Variants in KIAA0930 observed in about 807,000 individuals in gnomAD.
The protein encoded by KIAA0930 is uncharacterized protein KIAA0930.
A neutral mutation model predicts 43.9 loss-of-function variants in KIAA0930; 24 were observed. That is an observed-to-expected ratio of 0.55 (90% CI 0.40 to 0.77). KIAA0930 has a LOEUF of 0.77. Ranked by LOEUF, KIAA0930 falls within the 30% of genes least tolerant of loss-of-function variation. KIAA0930 has a pLI of 0.00. For synonymous variants in KIAA0930, 259 were observed against 216.4 expected, an observed-to-expected ratio of 1.20 and a Z score of -1.73; for missense variants, 461 against 574.2, an observed-to-expected ratio of 0.80 and a Z score of 2.02.
intron 9 of KIAA0930, among the ~76,000 whole-genome samples, chr22:45,197,535 C>T (rs974832306): frequency 6.6e-6 from 1 of 152,228 alleles, no homozygotes; most frequent in African/African-American, 2.4e-5. Flanking sequence ...GAGTAACACA[C>T]ACCTGGGCAT....
intron 1 of KIAA0930, among the ~76,000 whole-genome samples, chr22:45,219,372 C>T (rs1264886575): frequency 1.3e-5 from 2 of 152,068 alleles, no homozygotes; most frequent in Admixed American, 6.5e-5. Context: ...GGAATAATCG[C>T]GAATTACTTT....
rs117760442 is a variant in KIAA0930 at position 45,219,050 on chromosome 22, T to G, written c.65-6943A>C. Reference sequence around the variant, plus strand: ...TCAGATGCACACTGAAAAGGGAAACTTTTATCTTTCGAGGCATTTCACGTG... The same window carrying G: ...TCAGATGCACACTGAAAAGGGAAACGTTTATCTTTCGAGGCATTTCACGTG... On this transcript the variant is annotated intron_variant, in intron 1 of 9. Coordinates refer to ENST00000336156, the MANE Select transcript of KIAA0930 (RefSeq NM_001009880.2). Among the ~76,000 whole-genome samples, 528 of 151,134 alleles carry G rather than the reference T, an allele frequency of 3.5e-3. 12 individuals carry two copies. The East Asian group carries it at 0.065, about 19-fold the overall frequency.
At chr22:45,203,808 G>C (rs1208576938) in intron 6 of KIAA0930, 37 bp downstream of exon 6, 1 of 1,606,990 alleles carries the variant, frequency 6.2e-7, no homozygotes, top group Non-Finnish European at 8.5e-7. Context: ...CCGTCCCCGG[G>C]CCCAGAAGAA....
At chr22:45,217,327 C>G (rs2083739465) in intron 1 of KIAA0930, among the ~76,000 whole-genome samples, 1 of 133,342 alleles carries the variant, frequency 7.5e-6, no homozygotes, top group African/African-American at 2.9e-5. Flanking sequence ...CGCCACTGCA[C>G]TCTAGCCTGG....
At chr22:45,218,774 T>A (rs547380393) in intron 1 of KIAA0930, among the ~76,000 whole-genome samples, 1 of 151,864 alleles carries the variant, frequency 6.6e-6, no homozygotes, top group South Asian at 2.1e-4. Flanking sequence ...AACCCGGGGG[T>A]CACCTGGTGA....
chr22:45,225,392 G>C (rs774636426), intron 1 of KIAA0930, among the ~76,000 whole-genome samples: 9 of 152,136 alleles, frequency 5.9e-5, no homozygotes, highest in Admixed American at 1.3e-4. Context: ...GGAAGCGTGG[G>C]GTCTCCACGT....
intron 1 of KIAA0930, among the ~76,000 whole-genome samples, chr22:45,240,122 G>C (rs2083907820): frequency 6.6e-6 from 1 of 152,194 alleles, no homozygotes; most frequent in Non-Finnish European, 1.5e-5. Context: ...ATACAGCTAA[G>C]GGATGAGAGG....
intron 1 of KIAA0930, chr22:45,235,340 G>A (rs537048306): frequency 6.6e-6 from 1 of 152,230 alleles, no homozygotes; most frequent in Non-Finnish European, 1.5e-5. Context: ...GCGTCCTCAG[G>A]TTCCGTCCGG....
intron 1 of KIAA0930, among the ~76,000 whole-genome samples, chr22:45,227,208 T>C (rs2083807411): frequency 6.6e-6 from 1 of 152,206 alleles, no homozygotes; most frequent in Non-Finnish European, 1.5e-5. Flanking sequence ...AGGACAAGGA[T>C]GCAAAGCACC....
chr22:45,240,358 A>T (rs149058697), intron 1 of KIAA0930, among the ~76,000 whole-genome samples: 1 of 152,356 alleles, frequency 6.6e-6, no homozygotes, highest in East Asian at 1.9e-4. Context: ...AGAAGGAGGA[A>T]GATGAGACAG....
rs371577671 is a variant in KIAA0930, at chr22:45,205,665, C to A, written c.379G>T (p.Gly127Cys). The A allele has an allele frequency of 6.2e-7, 1 of 1,614,064 alleles. No homozygotes were observed. The highest frequency in any genetic ancestry group is 2.2e-5 in the East Asian group (1 of 44,878). Residue 127 changes from glycine to cysteine, a missense_variant, in exon 4 of 10, where the codon GGC (glycine) becomes TGC (cysteine). Transcript: ENST00000336156. ...TTCTTATGGATGTGAATGTCCCCGC[C>A]GTCAGCACGTGTGCACACCGCACAG... ...VTCAVCTRAD[G>C]GDIHIHKKKS...
intron 5 of KIAA0930, among the ~76,000 whole-genome samples, chr22:45,204,967 C>A (rs538658928): frequency 2.0e-5 from 3 of 152,192 alleles, no homozygotes; most frequent in African/African-American, 7.2e-5. Context: ...AGTCTTCAGC[C>A]CTGACAGTAA....
At chr22:45,221,819 T>C (rs2083769555) in intron 1 of KIAA0930, among the ~76,000 whole-genome samples, 1 of 152,170 alleles carries the variant, frequency 6.6e-6, no homozygotes, top group Non-Finnish European at 1.5e-5. Flanking sequence ...ACAACAATCT[T>C]TGCCTCCCAG....
rs2072719 is a variant in KIAA0930 at position 45,196,699 on chromosome 22, T to C, written c.*477A>G. 0.27 allele frequency: 42,623 copies of C among 155,968 alleles called. 6,081 individuals are homozygous for C. Among genetic ancestry groups the C allele is most frequent in the East Asian group, 0.35 (1,850 of 5,296 alleles). 9.7% of individuals were successfully genotyped at this position (155,968 alleles called of 1,614,324 possible). A position where few individuals can be genotyped will look rare whatever the true frequency, so the allele number is the denominator to read the frequency against. On this transcript the variant is annotated 3_prime_UTR_variant, in exon 10 of 10. Transcript: ENST00000336156. This position sits in a 1 kb window ranked among gnomAD's most constrained non-coding sequence, Gnocchi z 4.1. ...GAGGATGAGCTGGGACTGACTCGGG[T>C]GCTGAAGTTCATCCGCACGGCATTC...
chr22:45,208,647 C>T (rs1467594858), intron 2 of KIAA0930, among the ~76,000 whole-genome samples: 1 of 152,216 alleles, frequency 6.6e-6, no homozygotes, highest in Admixed American at 6.5e-5. Flanking sequence ...GTTCTCATCA[C>T]ACTCTGTATC....
In KIAA0930 at chr22:45,199,939, C is replaced by G. The variant is rs745738357; in HGVS notation, c.949G>C (p.Ala317Pro). Residue 317 changes from alanine (A) to proline (P), a missense_variant, in exon 8 of 10, where the codon GCT (alanine) becomes CCT (proline). Transcript: ENST00000336156. ...GCCGAGTGCGACTTCTTCATCTCAG[C>G]GATCCGGTTCCGGGGCACCTTCCTC... Reference protein sequence around the residue: ...LKRKVPRNRIAEMKKSHSAND... With the variant: ...LKRKVPRNRIPEMKKSHSAND... 6.2e-7 allele frequency: 1 copy of G among 1,609,322 alleles called. No homozygotes were observed. The highest frequency in any genetic ancestry group is 1.7e-5 in the Admixed American group (1 of 59,594).
In KIAA0930 at chr22:45,211,937, G is replaced by A; in HGVS notation, c.216+19C>T. On this transcript the variant is annotated intron_variant, in intron 2 of 9. Coordinates refer to ENST00000336156, the MANE Select transcript of KIAA0930 (RefSeq NM_001009880.2). ...TGCTTGGGGCACAGACGCAGGGGCA[G>A]GGGCCGGGGGTCACTCACCTTCCTC... The A allele has an allele frequency of 6.2e-7, 1 of 1,605,980 alleles. No homozygotes were observed. Among genetic ancestry groups the A allele is most frequent in the African/African-American group, 1.3e-5 (1 of 74,990 alleles).
rs1569084309 is a variant in KIAA0930, at chr22:45,229,309, CCCTCTCCACATCCCCACCACCACTCACCG to C, written c.64+11302_64+11330del. Among the ~76,000 whole-genome samples, 17 of 78,562 alleles carry C rather than the reference CCCTCTCCACATCCCCACCACCACTCACCG, an allele frequency of 2.2e-4. 1 individual carries two copies. The highest frequency in any genetic ancestry group is 4.1e-4 in the Admixed American group (3 of 7,366). The allele number at this position is 78,562 out of a possible 152,430, so 51.5% of individuals were successfully genotyped here. A position where few individuals can be genotyped will look rare whatever the true frequency, so the allele number is the denominator to read the frequency against. The stretch of plus-strand genomic sequence containing the variant: ...CGCCATCACCACTCACCTGAAAGAT[CCCTCTCCACATCCCCACCACCACTCACCG>C]GAAAGATCCCTCTCCACTCCCCCAT... On this transcript the variant is annotated intron_variant, in intron 1 of 9. Coordinates refer to ENST00000336156, the MANE Select transcript of KIAA0930 (RefSeq NM_001009880.2).
chr22:45,217,414 T>C (rs929138393), intron 1 of KIAA0930, among the ~76,000 whole-genome samples: 31 of 147,658 alleles, frequency 2.1e-4, no homozygotes, highest in African/African-American at 7.2e-4. Flanking sequence ...ATATAGTTCA[T>C]TCACTAACAC....
Sources: gnomAD v4.1 joint callset for allele counts (sites outside exome capture counted in the v4.1 genomes callset) on GRCh38, gnomAD v4.1.1 for gene constraint, Gnocchi (gnomAD v3.1) non-coding constraint, MANE v1.5 for transcripts, NCBI Gene and HGNC (gene_info 2026-07-23, HGNC 2026-07-21) for gene names.